Variants in TNFRSF19 observed in about 807,000 individuals in gnomAD.
TNFRSF19 encodes the protein TNF receptor superfamily member 19.
TNFRSF19 carries 27 observed loss-of-function variants against 46.4 expected under a neutral mutation model. The ratio of observed to expected loss-of-function variants is 0.58; its 90% CI spans 0.43 to 0.80. The LOEUF (loss-of-function observed/expected upper bound fraction) is 0.80. TNFRSF19 is among the 30% of genes least tolerant of loss of function. The pLI, the probability that TNFRSF19 is intolerant of heterozygous loss-of-function variation, is 0.00. For synonymous variants in TNFRSF19, 204 were observed against 205.0 expected (o/e 1.00, Z 0.04); for missense variants, 511 against 530.8 (o/e 0.96, Z 0.37).
chr13:23,579,670 C>T (rs1402189561), intron 1 of TNFRSF19: 1 of 152,298 alleles, frequency 6.6e-6, no homozygotes, highest in Non-Finnish European at 1.5e-5. Context: ...TGCTCACGGG[C>T]GGAGTACTGC....
chr13:23,598,374 T>TA (rs942730746), intron 3 of TNFRSF19, among the ~76,000 whole-genome samples: 53 of 152,128 alleles, frequency 3.5e-4, no homozygotes, highest in Admixed American at 6.5e-5. Flanking sequence ...TCCCAGAACT[T>TA]ACAGTTATAT....
intron 1 of TNFRSF19, among the ~76,000 whole-genome samples, chr13:23,582,102 C>T (rs1282826270): frequency 6.6e-6 from 1 of 151,958 alleles, no homozygotes. Flanking sequence ...CAGGCTTGGC[C>T]GGGCACGGTG....
chr13:23,580,753 T>C (rs537795903), intron 1 of TNFRSF19, among the ~76,000 whole-genome samples: 7 of 152,262 alleles, frequency 4.6e-5, no homozygotes, highest in Non-Finnish European at 8.8e-5. Context: ...ATAACACTTA[T>C]CAAATTGTTC....
At chr13:23,598,863 C>G (rs1056067658) in intron 3 of TNFRSF19, among the ~76,000 whole-genome samples, 1 of 152,166 alleles carries the variant, frequency 6.6e-6, no homozygotes, top group Non-Finnish European at 1.5e-5. Context: ...AGAAAAGGAA[C>G]AATAGATTTT....
chr13:23,617,119 TG>T, intron 4 of TNFRSF19, among the ~76,000 whole-genome samples: 1 of 150,902 alleles, frequency 6.6e-6, no homozygotes, highest in Admixed American at 6.6e-5. Flanking sequence ...AGCAGAGAGG[TG>T]GGGAAGAGCA....
chr13:23,639,467 A>G lies in TNFRSF19; in HGVS notation c.445+12675A>G, dbSNP rs368629407. Among the ~76,000 whole-genome samples the G allele has an allele frequency of 2.7e-3, 415 of 152,342 alleles. 1 individual carries two copies. Among genetic ancestry groups the G allele is most frequent in the Middle Eastern group, 0.014 (4 of 294 alleles). ...GTCCTTGGGGACACCAATTCATGAC[A>G]TAGCTCCTTTCCTTTGCCTCCCCTC... On this transcript the variant is annotated intron_variant, in intron 5 of 9. Coordinates refer to ENST00000248484, the MANE Select transcript of TNFRSF19 (RefSeq NM_148957.4).
At chr13:23,578,908 G>T (rs1878159334) in intron 1 of TNFRSF19, among the ~76,000 whole-genome samples, 1 of 152,204 alleles carries the variant, frequency 6.6e-6, no homozygotes, top group South Asian at 2.1e-4. Flanking sequence ...GTGGGAACGC[G>T]CACCTGCGAG....
intron 5 of TNFRSF19, among the ~76,000 whole-genome samples, chr13:23,654,694 G>T (rs1883868418): frequency 6.6e-6 from 1 of 152,212 alleles, no homozygotes; most frequent in African/African-American, 2.4e-5. Context: ...ACCTGCATCT[G>T]TGGAGCAGTG....
At chr13:23,613,357 C>T (rs1881034680) in intron 3 of TNFRSF19, among the ~76,000 whole-genome samples, 1 of 152,192 alleles carries the variant, frequency 6.6e-6, no homozygotes, top group African/African-American at 2.4e-5. Flanking sequence ...GGAGAATTCC[C>T]AAAATAACTT....
At chr13:23,652,489 G>T (rs192405312) in intron 5 of TNFRSF19, among the ~76,000 whole-genome samples, 2 of 152,126 alleles carry the variant, frequency 1.3e-5, no homozygotes, top group African/African-American at 2.4e-5. Context: ...TCCATGAAGC[G>T]CTACTTAAAA....
chr13:23,628,446 C>T (rs1321263336), intron 5 of TNFRSF19, among the ~76,000 whole-genome samples: 2 of 152,184 alleles, frequency 1.3e-5, no homozygotes, highest in Admixed American at 1.3e-4. Flanking sequence ...AGCCCAGCCA[C>T]CATTCTGTCA....
chr13:23,675,576 A>G lies in TNFRSF19; in HGVS notation c.*2196A>G, dbSNP rs929885994. The G allele has an allele frequency of 6.6e-6, 1 of 152,238 alleles. No homozygotes were observed. Among genetic ancestry groups the G allele is most frequent in the African/African-American group, 2.4e-5 (1 of 41,458 alleles). The allele number at this position is 152,238 out of a possible 1,614,324, so 9.4% of individuals were successfully genotyped here. On this transcript the variant is annotated 3_prime_UTR_variant, in exon 10 of 10. Coordinates refer to ENST00000248484, the MANE Select transcript of TNFRSF19 (RefSeq NM_148957.4). The stretch of plus-strand genomic sequence containing the variant: ...ATTTTACCCTACCTACTCTAGAAAT[A>G]TACAACAATGTTATATTTTACACTC...
At chr13:23,649,792 G>T (rs972033691) in intron 5 of TNFRSF19, among the ~76,000 whole-genome samples, 2 of 151,950 alleles carry the variant, frequency 1.3e-5, no homozygotes, top group African/African-American at 4.8e-5. Context: ...TTTTCTTTGT[G>T]ATTTCTTCTT....
intron 3 of TNFRSF19, among the ~76,000 whole-genome samples, chr13:23,604,522 T>C (rs1163505267): frequency 6.6e-6 from 1 of 152,090 alleles, no homozygotes; most frequent in East Asian, 1.9e-4. Context: ...AGTTTATATG[T>C]AGAGGCAAAA....
At chr13:23,657,694 TC>T (rs1884068828) in intron 5 of TNFRSF19, among the ~76,000 whole-genome samples, 1 of 152,164 alleles carries the variant, frequency 6.6e-6, no homozygotes, top group African/African-American at 2.4e-5. Context: ...TTCTTCTTCT[TC>T]TTCTTCTTTT....
chr13:23,633,809 G>A (rs11619068), intron 5 of TNFRSF19, among the ~76,000 whole-genome samples: 91,954 of 152,072 alleles, frequency 0.6, 28,682 homozygotes, highest in Non-Finnish European at 0.7. Flanking sequence ...AGATCGTACC[G>A]TTGCACTCCA....
At chr13:23,598,277 C>G (rs1879880725) in intron 3 of TNFRSF19, among the ~76,000 whole-genome samples, 1 of 152,072 alleles carries the variant, frequency 6.6e-6, no homozygotes, top group Non-Finnish European at 1.5e-5. Flanking sequence ...GGAGAAATAC[C>G]TAATGTGGAT....
chr13:23,663,784 A>G (rs1430478473), intron 7 of TNFRSF19, among the ~76,000 whole-genome samples: 1 of 152,024 alleles, frequency 6.6e-6, no homozygotes, highest in Non-Finnish European at 1.5e-5. Context: ...TAGGTTTTCT[A>G]GTTCATGTGT....
intron 7 of TNFRSF19, among the ~76,000 whole-genome samples, chr13:23,663,115 C>T (rs1884475752): frequency 6.6e-6 from 1 of 152,148 alleles, no homozygotes. Flanking sequence ...GGGAATGCTT[C>T]CAGCTTTTCC....
Sources: gnomAD v4.1 joint callset for allele counts (sites outside exome capture counted in the v4.1 genomes callset) on GRCh38, gnomAD v4.1.1 for gene constraint, MANE v1.5 for transcripts, NCBI Gene and HGNC (gene_info 2026-07-23, HGNC 2026-07-21) for gene names.